FBXW12: variants seen among roughly 807,000 people sequenced by gnomAD.
The protein encoded by FBXW12 is F-box and WD repeat domain containing 12.
FBXW12 carries 43 observed loss-of-function variants against 55.3 expected under a neutral mutation model. The observed-to-expected ratio is 0.78, with a 90% CI of 0.61 to 1.00. FBXW12 has a LOEUF of 1.00. Among genes scored for constraint, FBXW12 ranks in the 50% least tolerant of loss-of-function variants. The probability of loss-of-function intolerance (pLI) is 0.00; values close to 1 mark genes in which losing one functional copy is unlikely to be tolerated. For synonymous variants in FBXW12, 184 were observed against 203.8 expected, an observed-to-expected ratio of 0.90 and a Z score of 0.83; for missense variants, 524 against 560.5, an observed-to-expected ratio of 0.93 and a Z score of 0.66.
chr3:48,372,248 C>G lies in FBXW12; in HGVS notation c.-157C>G, dbSNP rs1465315980. The G allele has an allele frequency of 6.4e-7, 1 of 1,551,272 alleles. No homozygotes were observed. Among genetic ancestry groups the G allele is most frequent in the South Asian group, 1.2e-5 (1 of 84,036 alleles). On this transcript the variant is annotated 5_prime_UTR_variant, in exon 1 of 11. Transcript: ENST00000296438. ...TTCTCCTCCACTGCAAAGTTAAATG[C>G]GAGAAGGTAGAAACCCAGAGGCCAT...
intron 10 of FBXW12, among the ~76,000 whole-genome samples, chr3:48,390,406 CTTTTTTTTTTT>C (rs71625870): frequency 1.7e-5 from 1 of 57,928 alleles, no homozygotes; most frequent in Non-Finnish European, 3.0e-5. Context: ...AGGATTTCCT[CTTTTTTTTTTT>C]TTTTTTTTTT....
chr3:48,379,642 G>A, intron 7 of FBXW12, 84 bp downstream of exon 7: 1 of 1,154,548 alleles, frequency 8.7e-7, no homozygotes, highest in South Asian at 1.4e-5. Context: ...GCTCAGTGAG[G>A]ACCAGGCACA....
Position 48,372,855 on chromosome 3 carries a change from A to C in FBXW12, c.88A>C (p.Lys30Gln). ...FGLLQVSQVN[K>Q]HWNRIADSDY... ...CTTGCTGCAGGTTTCCCAGGTGAAC[A>C]AGGTAAAGGCCTTCCACCTCCCACT... The change falls in exon 2 of 11, where the codon AAG (lysine) becomes CAG (glutamine). Residue 30 changes from lysine (K) to glutamine (Q), a missense_variant and splice_region_variant. Lys to Gln is a moderately conservative substitution (Grantham distance 53, BLOSUM62 1). Coordinates refer to ENST00000296438, the MANE Select transcript of FBXW12 (RefSeq NM_207102.2). 1 of 1,614,052 alleles carries C rather than the reference A, an allele frequency of 6.2e-7. No homozygotes were observed. The highest frequency in any genetic ancestry group is 8.5e-7 in the Non-Finnish European group (1 of 1,179,926).
chr3:48,372,908 C>A, intron 2 of FBXW12, 51 bp downstream of exon 2: 1 of 1,527,004 alleles, frequency 6.5e-7, no homozygotes, highest in Non-Finnish European at 9.1e-7. Flanking sequence ...CTTCTCTCGA[C>A]CAGTTTGAGC....
chr3:48,394,364 G>T (rs1020647936), intron 10 of FBXW12, among the ~76,000 whole-genome samples, 196 bp from the exon 11 acceptor site: 1 of 152,194 alleles, frequency 6.6e-6, no homozygotes, highest in African/African-American at 2.4e-5. Context: ...AGCAGGTTGT[G>T]ATTGCTATTC....
At position 48,373,688 on chromosome 3, in the gene FBXW12, A is replaced by G; in HGVS notation, c.269A>G (p.Lys90Arg). Residue 90 changes from lysine (K) to arginine (R), a missense_variant, in exon 4 of 11, where the codon AAA (lysine) becomes AGA (arginine). Lys to Arg is a conservative substitution (Grantham distance 26). Transcript: ENST00000296438. The part of the protein sequence containing the change: ...ALAQPHNFIY[K>R]VTKNIAFETE... ...GCACAGCCGCATAACTTTATCTACAAAGTAACTAAGAACATCGGTATGGGT... is the reference window on the plus strand; with the variant it reads ...GCACAGCCGCATAACTTTATCTACAGAGTAACTAAGAACATCGGTATGGGT... 6.2e-7 allele frequency: 1 copy of G among 1,614,034 alleles called. No homozygotes were observed.
intron 1 of FBXW12, 27 bp from the exon 2 acceptor site, chr3:48,372,657 A>T (rs2036618357): frequency 6.3e-7 from 1 of 1,596,396 alleles, no homozygotes; most frequent in South Asian, 1.1e-5. Context: ...CCGCACACAG[A>T]TGGGCATGGG....
intron 1 of FBXW12, 76 bp from the exon 2 acceptor site, chr3:48,372,608 G>A (rs1015476046): frequency 3.8e-5 from 58 of 1,513,318 alleles, no homozygotes; most frequent in Non-Finnish European, 5.2e-5. Context: ...CCGGGGTGGA[G>A]GTCAGCCCGG....
chr3:48,381,081 G>A (rs956991211), intron 8 of FBXW12, among the ~76,000 whole-genome samples, 169 bp downstream of exon 8: 24 of 148,386 alleles, frequency 1.6e-4, no homozygotes, highest in Non-Finnish European at 2.2e-4. Context: ...GGAGTGCAGC[G>A]GCACAATCTC....
chr3:48,379,501 C>T lies in FBXW12; in HGVS notation c.717C>T (p.Cys239=), dbSNP rs1387717144. The change falls in exon 7 of 11, where the codon TGC becomes TGT. Residue 239 remains cysteine (C), a synonymous_variant. Transcript: ENST00000296438. ...AFQYGIVLLH[C]SPDKKWVFAC... ...AATATGGTATTGTACTTCTACACTGCTCTCCTGACAAGAAATGGGTATTTG... is the reference window on the plus strand; with the variant it reads ...AATATGGTATTGTACTTCTACACTGTTCTCCTGACAAGAAATGGGTATTTG... The T allele has an allele frequency of 1.9e-6, 3 of 1,613,864 alleles. No homozygotes were observed. The highest frequency in any genetic ancestry group is 2.5e-6 in the Non-Finnish European group (3 of 1,179,846).
At position 48,378,676 on chromosome 3, in the gene FBXW12, G is replaced by A. The variant is rs1235868334; in HGVS notation, c.615+150G>A. On this transcript the variant is annotated intron_variant, in intron 6 of 10. Transcript: ENST00000296438. The stretch of plus-strand genomic sequence containing the variant: ...GTTGCTCAGGCTGGAGTGCAGTGGT[G>A]CAATCTTGGCTCACTGCAACCTCTG... 30 of 650,218 alleles carry A rather than the reference G, an allele frequency of 4.6e-5. No homozygotes were observed. The East Asian group carries it at 8.3e-4, about 18-fold the overall frequency. The allele number at this position is 650,218 out of a possible 1,614,324, so 40.3% of individuals were successfully genotyped here. A position where few individuals can be genotyped will look rare whatever the true frequency, so the allele number is the denominator to read the frequency against.
intron 6 of FBXW12, 73 bp downstream of exon 6, chr3:48,378,599 T>A: frequency 8.5e-7 from 1 of 1,173,674 alleles, no homozygotes; most frequent in Non-Finnish European, 1.2e-6. Context: ...CCGTGTCACA[T>A]TACTGTCCTA....
rs1369408135 is a variant in FBXW12, at chr3:48,379,408, T to G, written c.624T>G (p.Asp208Glu). 6.2e-7 allele frequency: 1 copy of G among 1,613,182 alleles called. No homozygotes were observed. Among genetic ancestry groups the G allele is most frequent in the African/African-American group, 1.3e-5 (1 of 74,682 alleles). The change falls in exon 7 of 11, where the codon GAT (aspartate) becomes GAG (glutamate). Residue 208 changes from aspartate (D) to glutamate (E), a missense_variant. By Grantham distance (45) the Asp-to-Glu change is conservative. Transcript: ENST00000296438. ...GGATGCTTTGGTTTCAGGTTGGCGATGCTGCAGGTGACATCTACACATTTA... is the reference window on the plus strand; with the variant it reads ...GGATGCTTTGGTTTCAGGTTGGCGAGGCTGCAGGTGACATCTACACATTTA... Reference protein sequence around the residue: ...TKDGPFLMVGDAAGDIYTFTL... With the variant: ...TKDGPFLMVGEAAGDIYTFTL...
intron 4 of FBXW12, among the ~76,000 whole-genome samples, chr3:48,374,905 GATT>G (rs2036661408): frequency 6.6e-6 from 1 of 151,764 alleles, no homozygotes. Flanking sequence ...AAGTAGTTGG[GATT>G]ACAGGCACCT....
In FBXW12 at chr3:48,381,964, T is replaced by C. The variant is rs748165771; in HGVS notation, c.1174T>C (p.Tyr392His). The change falls in exon 10 of 11, where the codon TAT becomes CAT. Residue 392 changes from tyrosine (Y) to histidine (H), a missense_variant. By Grantham distance (83) the Tyr-to-His change is moderately conservative (BLOSUM62 2). Transcript: ENST00000296438. ...TGGCTATCCTTGGAAGGATCCTTGCTATGTGCTCACCACATCCGAGAACTC... is the reference window on the plus strand; with the variant it reads ...TGGCTATCCTTGGAAGGATCCTTGCCATGTGCTCACCACATCCGAGAACTC... ...AINNFWVDPCYVLTTSENSVH... is the reference protein window; with the variant it reads ...AINNFWVDPCHVLTTSENSVH... The C allele has an allele frequency of 6.2e-7, 1 of 1,614,182 alleles. No individual in the cohort carries two copies. Among genetic ancestry groups the C allele is most frequent in the East Asian group, 2.2e-5 (1 of 44,892 alleles).
At chr3:48,381,022 GTTT>G (rs11378351) in intron 8 of FBXW12, 110 bp downstream of exon 8, 6,970 of 570,636 alleles carry the variant, frequency 0.012, 1 homozygote, top group Middle Eastern at 0.017. Flanking sequence ...GGGATTTCTA[GTTT>G]TTTTTTTTTT....
intron 10 of FBXW12, 66 bp downstream of exon 10, chr3:48,382,151 T>TCAAA: frequency 1.3e-6 from 2 of 1,565,784 alleles, no homozygotes; most frequent in Non-Finnish European, 1.7e-6. Context: ...GGAGTCTCCC[T>TCAAA]ATGTCACCAG....
At chr3:48,381,590 A>G (rs2036774787) in intron 8 of FBXW12, 110 bp from the exon 9 acceptor site, 1 of 1,221,204 alleles carries the variant, frequency 8.2e-7, no homozygotes. Context: ...AAGTCTGTGG[A>G]AGTGGGGACT....
At chr3:48,372,385 G>C in intron 1 of FBXW12, 65 bp downstream of exon 1, 2 of 1,519,244 alleles carry the variant, frequency 1.3e-6, no homozygotes, top group Non-Finnish European at 1.8e-6. Flanking sequence ...TAGAGTCATA[G>C]AGACACTCAG....
Sources: gnomAD v4.1 joint callset for allele counts (sites outside exome capture counted in the v4.1 genomes callset) on GRCh38, gnomAD v4.1.1 for gene constraint, MANE v1.5 for transcripts, NCBI Gene and HGNC (gene_info 2026-07-23, HGNC 2026-07-21) for gene names.